COL4A1: variants seen among roughly 807,000 people sequenced by gnomAD.
The protein encoded by COL4A1 is collagen alpha-1(IV) chain.
In COL4A1, 40 loss-of-function variants were observed where a neutral mutation model predicts 216.6. The ratio of observed to expected loss-of-function variants is 0.18; its 90% CI spans 0.14 to 0.24. The LOEUF (loss-of-function observed/expected upper bound fraction) is 0.24. Ranked by LOEUF, COL4A1 falls within the 10% of genes least tolerant of loss-of-function variation. The probability of loss-of-function intolerance (pLI) is 1.00; values close to 1 mark genes in which losing one functional copy is unlikely to be tolerated. For synonymous variants in COL4A1, 839 were observed against 810.7 expected, an observed-to-expected ratio of 1.03 and a Z score of -0.59; for missense variants, 1,628 against 2,196.8, an observed-to-expected ratio of 0.74 and a Z score of 5.18.
intron 2 of COL4A1, among the ~76,000 whole-genome samples, chr13:110,221,284 G>T (rs898639281): frequency 3.3e-5 from 5 of 152,060 alleles, no homozygotes; most frequent in Non-Finnish European, 7.4e-5. Context: ...TAAAACCATA[G>T]ATATTTTCTG....
chr13:110,277,683 A>G (rs1233478765), intron 1 of COL4A1, among the ~76,000 whole-genome samples: 1 of 152,158 alleles, frequency 6.6e-6, no homozygotes, highest in Non-Finnish European at 1.5e-5. Context: ...CATAAATAAA[A>G]TGGAAATCTC....
At chr13:110,301,437 C>G (rs1340054077) in intron 1 of COL4A1, among the ~76,000 whole-genome samples, 1 of 152,254 alleles carries the variant, frequency 6.6e-6, no homozygotes, top group African/African-American at 2.4e-5. Flanking sequence ...CAACCACAAC[C>G]AGCACCGCTC....
At position 110,174,493 on chromosome 13, in the gene COL4A1, T is replaced by C. The variant is rs774917419; in HGVS notation, c.3359A>G (p.Lys1120Arg). Residue 1120 changes from lysine to arginine, a missense_variant, in exon 39 of 52, where the codon AAA (lysine) becomes AGA (arginine). By Grantham distance (26) the Lys-to-Arg change is conservative. Coordinates refer to ENST00000375820, the MANE Select transcript of COL4A1 (RefSeq NM_001845.6). ...GATGCCATCCAATCCTGGGAGGCCT[T>C]TGTCACCTTTTTCTCCAGGTAGCCC... ...SPGLPGEKGD[K>R]GLPGLDGIPG... 2 of 1,614,126 alleles carry C rather than the reference T, an allele frequency of 1.2e-6. No homozygotes were observed. Among genetic ancestry groups the C allele is most frequent in the African/African-American group, 2.7e-5 (2 of 75,026 alleles).
Position 110,209,442 on chromosome 13 carries a change from AT to A in COL4A1, c.616-16del, listed in dbSNP as rs1879672169. ...CCTGGGGGACCCTGGGAGAGACAGC[AT>A]TTTAATTAAATAGGATTCAGAACTC... On this transcript the variant is annotated splice_polypyrimidine_tract_variant and intron_variant, in intron 10 of 51. Coordinates refer to ENST00000375820, the MANE Select transcript of COL4A1 (RefSeq NM_001845.6). 5.1e-6 allele frequency: 8 copies of A among 1,573,174 alleles called. No homozygotes were observed. Among genetic ancestry groups the A allele is most frequent in the Non-Finnish European group, 6.1e-6 (7 of 1,154,686 alleles).
chr13:110,258,268 T>C (rs907361995), intron 1 of COL4A1, among the ~76,000 whole-genome samples: 6 of 152,254 alleles, frequency 3.9e-5, no homozygotes, highest in Non-Finnish European at 8.8e-5. Flanking sequence ...GCCGGCGCAG[T>C]GGCTCATGCC....
At chr13:110,260,985 T>C (rs564268557) in intron 1 of COL4A1, among the ~76,000 whole-genome samples, 12 of 117,184 alleles carry the variant, frequency 1.0e-4, no homozygotes, top group South Asian at 5.8e-4. Context: ...TGCAGTGAGC[T>C]GAGATCGCGC....
chr13:110,158,749 T>G (rs1035604726), intron 49 of COL4A1, among the ~76,000 whole-genome samples: 1 of 149,218 alleles, frequency 6.7e-6, no homozygotes, highest in Non-Finnish European at 1.5e-5. Context: ...CTTTTTTTTT[T>G]TTTTTTTTTT....
chr13:110,307,153 G>T lies in COL4A1; in HGVS notation c.-126C>A. The T allele has an allele frequency of 1.4e-6, 1 of 734,710 alleles. No homozygotes were observed. The highest frequency in any genetic ancestry group is 2.0e-6 in the Non-Finnish European group (1 of 506,542). 45.5% of individuals were successfully genotyped at this position (734,710 alleles called of 1,614,324 possible). A position where few individuals can be genotyped will look rare whatever the true frequency, so the allele number is the denominator to read the frequency against. ...CCCGGGTGCGGCGGCTCCAAGCGGA[G>T]ACCTGAGCGCGGCGGGCCGAGCTCC... On this transcript the variant is annotated 5_prime_UTR_variant, in exon 1 of 52. Coordinates refer to ENST00000375820, the MANE Select transcript of COL4A1 (RefSeq NM_001845.6). The surrounding 1 kb of genome is among the most constrained non-coding windows in gnomAD (Gnocchi z 5.0).
At chr13:110,262,712 A>G (rs1381779576) in intron 1 of COL4A1, among the ~76,000 whole-genome samples, 1 of 152,206 alleles carries the variant, frequency 6.6e-6, no homozygotes, top group East Asian at 1.9e-4. Context: ...TCAGGGAAAC[A>G]CGCATCTCCT....
intron 49 of COL4A1, among the ~76,000 whole-genome samples, chr13:110,160,388 A>G (rs888163626): frequency 1.1e-5 from 1 of 89,170 alleles, no homozygotes; most frequent in Non-Finnish European, 2.2e-5. Context: ...GCTTGCAGTG[A>G]GCCGAGATTG....
chr13:110,162,496 G>T (rs1410111332), intron 47 of COL4A1, 54 bp from the exon 48 acceptor site: 3 of 1,270,982 alleles, frequency 2.4e-6, no homozygotes, highest in Non-Finnish European at 3.4e-6. Flanking sequence ...CTCCCCTAAA[G>T]GCTTTCAAAA....
At chr13:110,300,141 A>G (rs954621100) in intron 1 of COL4A1, among the ~76,000 whole-genome samples, 1 of 152,218 alleles carries the variant, frequency 6.6e-6, no homozygotes, top group Non-Finnish European at 1.5e-5. Context: ...TTTATTTAAT[A>G]AATATGAAGG....
chr13:110,176,602 G>A (rs769027534), intron 35 of COL4A1, 24 bp downstream of exon 35: 2 of 1,607,424 alleles, frequency 1.2e-6, no homozygotes, highest in East Asian at 4.5e-5. Flanking sequence ...TTGCCACACT[G>A]GGGACCGGAG....
At position 110,206,898 on chromosome 13, in the gene COL4A1, G is replaced by A. The variant is rs200927424; in HGVS notation, c.781-7C>T. On this transcript the variant is annotated splice_region_variant and splice_polypyrimidine_tract_variant and intron_variant, in intron 13 of 51. Coordinates refer to ENST00000375820, the MANE Select transcript of COL4A1 (RefSeq NM_001845.6). ...CAGGTTCACCTTTTTGGCCCTGAAA[G>A]AATTCGAGAGACAGATCAGCACTAT... is the stretch of plus-strand genomic sequence containing the variant. 17 of 1,613,256 alleles carry A rather than the reference G, an allele frequency of 1.1e-5. No individual in the cohort carries two copies. Among genetic ancestry groups the A allele is most frequent in the Admixed American group, 3.3e-5 (2 of 59,928 alleles).
chr13:110,278,000 C>T (rs1163757168), intron 1 of COL4A1, among the ~76,000 whole-genome samples: 1 of 152,216 alleles, frequency 6.6e-6, no homozygotes, highest in Non-Finnish European at 1.5e-5. Context: ...CCTTTTCTCC[C>T]CTTTCAAAAT....
intron 1 of COL4A1, among the ~76,000 whole-genome samples, chr13:110,251,757 T>C (rs563453930): frequency 7.9e-5 from 12 of 152,324 alleles, no homozygotes; most frequent in African/African-American, 2.9e-4. Context: ...CGGTACAGAA[T>C]TAAGACAGCA....
intron 19 of COL4A1, 91 bp from the exon 20 acceptor site, chr13:110,200,980 C>T: frequency 7.1e-7 from 1 of 1,415,256 alleles, no homozygotes; most frequent in South Asian, 1.2e-5. Flanking sequence ...TTGCTTGGTG[C>T]ATTGGTAAGT....
chr13:110,173,916 T>C lies in COL4A1; in HGVS notation c.3489A>G (p.Gly1163=), dbSNP rs1320372098. Residue 1163 remains glycine, a synonymous_variant, in exon 40 of 52, where the codon GGA becomes GGG. Coordinates refer to ENST00000375820, the MANE Select transcript of COL4A1 (RefSeq NM_001845.6). Reference sequence around the variant, plus strand: ...GGGCCATACCTGGTTCACCCTTCTCTCCTGCTGACCCCGGGATTCCATCAC... The same window carrying C: ...GGGCCATACCTGGTTCACCCTTCTCCCCTGCTGACCCCGGGATTCCATCAC... The part of the protein sequence containing the change: ...PGSDGIPGSA[G]EKGEPGLPGR... 1.2e-6 allele frequency: 2 copies of C among 1,614,084 alleles called. No homozygotes were observed. Among genetic ancestry groups the C allele is most frequent in the Non-Finnish European group, 1.7e-6 (2 of 1,180,060 alleles).
chr13:110,167,504 T>G (rs1285974607), intron 43 of COL4A1, among the ~76,000 whole-genome samples: 2 of 152,152 alleles, frequency 1.3e-5, no homozygotes, highest in Admixed American at 6.5e-5. Flanking sequence ...CAGGCAAATG[T>G]CCTGCCCTTG....
Sources: allele counts gnomAD v4.1 joint callset (sites outside exome capture counted in the v4.1 genomes callset), GRCh38; gene constraint gnomAD v4.1.1; non-coding constraint Gnocchi (gnomAD v3.1); transcripts MANE v1.5; gene names NCBI Gene and HGNC (gene_info 2026-07-23, HGNC 2026-07-21).